Variants in MAP3K20 observed in about 807,000 individuals in gnomAD.
MAP3K20 encodes HCCS-4.
Under a neutral mutation model 85.7 loss-of-function variants are expected in MAP3K20, and 40 were observed. The observed-to-expected ratio is 0.47, with a 90% confidence interval of 0.36 to 0.61. MAP3K20 has a LOEUF of 0.61. Among genes scored for constraint, MAP3K20 ranks in the 20% least tolerant of loss-of-function variants. The pLI is 0.00. For missense variants in MAP3K20, 817 were observed against 961.7 expected (o/e 0.85, Z 1.99); for synonymous variants, 325 against 327.7 (o/e 0.99, Z 0.09).
intron 16 of MAP3K20, among the ~76,000 whole-genome samples, chr2:173,253,238 G>T (rs952074878): frequency 6.6e-6 from 1 of 152,164 alleles, no homozygotes; most frequent in African/African-American, 2.4e-5. Flanking sequence ...TTGGAGCTGT[G>T]TTGGTGACCA....
chr2:173,088,203 T>C (rs1326966075), intron 1 of MAP3K20, among the ~76,000 whole-genome samples: 3 of 152,188 alleles, frequency 2.0e-5, no homozygotes, highest in Admixed American at 2.0e-4. Flanking sequence ...ACAGGGCAAC[T>C]GATAACTCTA....
At chr2:173,186,688 A>C (rs1025566059) in intron 4 of MAP3K20, among the ~76,000 whole-genome samples, 13 of 152,206 alleles carry the variant, frequency 8.5e-5, no homozygotes, top group Non-Finnish European at 1.3e-4. Context: ...TATTTCTGCC[A>C]TTAGTTAGAA....
chr2:173,266,781 G>T lies in MAP3K20; in HGVS notation c.*31G>T, dbSNP rs963923842. 6.6e-5 allele frequency: 52 copies of T among 786,126 alleles called. No homozygotes were observed. Among genetic ancestry groups the T allele is most frequent in the South Asian group, 1.1e-4 (3 of 26,646 alleles). The allele number at this position is 786,126 out of a possible 1,614,324, so 48.7% of individuals were successfully genotyped here. A position where few individuals can be genotyped will look rare whatever the true frequency, so the allele number is the denominator to read the frequency against. On this transcript the variant is annotated 3_prime_UTR_variant, in exon 20 of 20. Transcript: ENST00000375213. ...TGAACTACATAGCTTTTCTAAGCAG[G>T]TTAAAAAAAAAAAAAAAAAGAAATG...
At chr2:173,178,768 T>C (rs1354355660) in intron 3 of MAP3K20, among the ~76,000 whole-genome samples, 1 of 152,228 alleles carries the variant, frequency 6.6e-6, no homozygotes, top group African/African-American at 2.4e-5. Context: ...CTTCCCATAC[T>C]CTTTCAGAAA....
At chr2:173,157,850 A>G (rs1449551684) in intron 2 of MAP3K20, among the ~76,000 whole-genome samples, 1 of 152,196 alleles carries the variant, frequency 6.6e-6, no homozygotes, top group Admixed American at 6.5e-5. Flanking sequence ...GAAATCTTAT[A>G]GTGGGGACAG....
intron 1 of MAP3K20, among the ~76,000 whole-genome samples, chr2:173,084,459 A>G (rs1435966714): frequency 6.6e-6 from 1 of 152,062 alleles, no homozygotes; most frequent in Non-Finnish European, 1.5e-5. Flanking sequence ...TGTTTTAGCA[A>G]TTTAAATACA....
At chr2:173,117,149 G>A (rs1282889455) in intron 2 of MAP3K20, among the ~76,000 whole-genome samples, 1 of 152,184 alleles carries the variant, frequency 6.6e-6, no homozygotes, top group Non-Finnish European at 1.5e-5. Flanking sequence ...AAATAAAAAA[G>A]AATTGGTATT....
chr2:173,133,396 G>T (rs922917930), intron 2 of MAP3K20, among the ~76,000 whole-genome samples: 2 of 152,194 alleles, frequency 1.3e-5, no homozygotes, highest in Non-Finnish European at 2.9e-5. Context: ...TGAAATGAGA[G>T]TAGATGCCAG....
At chr2:173,227,927 A>G (rs1170517661) in intron 11 of MAP3K20, among the ~76,000 whole-genome samples, 1 of 152,188 alleles carries the variant, frequency 6.6e-6, no homozygotes, top group African/African-American at 2.4e-5. Context: ...AGCTGTGTCC[A>G]GCTGCCCTGT....
chr2:173,109,229 T>C (rs569674027), intron 2 of MAP3K20, among the ~76,000 whole-genome samples: 1 of 152,350 alleles, frequency 6.6e-6, no homozygotes, highest in East Asian at 1.9e-4. Flanking sequence ...TTAAGTTAAA[T>C]GTAACTTGAA....
Position 173,179,888 on chromosome 2 carries a change from A to G in MAP3K20, c.248-2966A>G, listed in dbSNP as rs565007001. On this transcript the variant is annotated intron_variant, in intron 3 of 19. Transcript: ENST00000375213. ...TCCATTTACAGTAGCATCAAAAAGA[A>G]TAAAATAGTTGGGTATAAATTTAAC... Among the ~76,000 whole-genome samples the G allele has an allele frequency of 1.2e-4, 19 of 152,334 alleles. 1 individual carries two copies. In the South Asian group the frequency reaches 2.9e-3, roughly 23 times the overall value.
At chr2:173,098,560 A>G (rs190761344) in intron 2 of MAP3K20, among the ~76,000 whole-genome samples, 406 of 152,320 alleles carry the variant, frequency 2.7e-3, no homozygotes, top group Middle Eastern at 3.4e-3. Flanking sequence ...ATCTCATTGT[A>G]TATATGCAAA....
chr2:173,149,204 A>G (rs1689225262), intron 2 of MAP3K20, among the ~76,000 whole-genome samples: 1 of 152,244 alleles, frequency 6.6e-6, no homozygotes, highest in Non-Finnish European at 1.5e-5. Context: ...GTGTATTCTC[A>G]TGGTACTTTT....
intron 2 of MAP3K20, among the ~76,000 whole-genome samples, chr2:173,146,263 G>T (rs926397966): frequency 6.6e-6 from 1 of 151,912 alleles, no homozygotes; most frequent in Non-Finnish European, 1.5e-5. Context: ...GAACAAGCCA[G>T]TCAAGTCTGT....
chr2:173,135,143 T>C (rs943346862), intron 2 of MAP3K20, among the ~76,000 whole-genome samples: 2 of 152,212 alleles, frequency 1.3e-5, no homozygotes, highest in Non-Finnish European at 2.9e-5. Context: ...TATCTGGTCC[T>C]GAAATAAAAA....
intron 16 of MAP3K20, among the ~76,000 whole-genome samples, chr2:173,257,033 A>T (rs2106352661): frequency 6.6e-6 from 1 of 151,250 alleles, no homozygotes; most frequent in South Asian, 2.1e-4. Flanking sequence ...GCATGATGGC[A>T]CGTGCTTGTG....
At chr2:173,075,819 G>A (rs1048886675), upstream of MAP3K20, 6 of 985,484 alleles carry the variant, frequency 6.1e-6, no homozygotes, top group Non-Finnish European at 7.2e-6. Flanking sequence ...CCGGGAGGTA[G>A]GTGGTGCTGT....
intron 2 of MAP3K20, among the ~76,000 whole-genome samples, chr2:173,138,365 A>T (rs1303227774): frequency 6.6e-6 from 1 of 152,204 alleles, no homozygotes; most frequent in African/African-American, 2.4e-5. Context: ...ACTCCTAATT[A>T]TGGATGTGTT....
intron 14 of MAP3K20, among the ~76,000 whole-genome samples, chr2:173,235,308 G>A (rs1377391004): frequency 6.6e-6 from 1 of 152,182 alleles, no homozygotes; most frequent in Non-Finnish European, 1.5e-5. Context: ...GGAGTTACTT[G>A]CAGAATGAGG....
Sources: allele counts gnomAD v4.1 joint callset (sites outside exome capture counted in the v4.1 genomes callset), GRCh38; gene constraint gnomAD v4.1.1; transcripts MANE v1.5; gene names NCBI Gene and HGNC (gene_info 2026-07-23, HGNC 2026-07-21).